The following PDE6D variants were observed in gnomAD, a reference collection of about 807,000 sequenced individuals.
PDE6D encodes the protein phosphodiesterase 6D.
A neutral mutation model predicts 21.9 loss-of-function variants in PDE6D; 10 were observed. The observed-to-expected ratio is 0.46, with a 90% CI of 0.28 to 0.78. PDE6D has a LOEUF of 0.78. PDE6D is among the 30% of genes least tolerant of loss of function. The pLI, the probability that PDE6D is intolerant of heterozygous loss-of-function variation, is 0.12. For synonymous variants in PDE6D, 59 were observed against 63.5 expected (o/e 0.93, Z 0.34); for missense variants, 139 against 184.8 (o/e 0.75, Z 1.44).
At position 231,737,440 on chromosome 2, in the gene PDE6D, A is replaced by C. The variant is rs1257340648; in HGVS notation, c.266-148T>G. 7.1e-6 allele frequency: 4 copies of C among 566,116 alleles called. No individual in the cohort carries two copies. The African/African-American group carries it at 7.6e-5, about 11-fold the overall frequency. The allele number at this position is 566,116 out of a possible 1,614,324, so 35.1% of individuals were successfully genotyped here. On this transcript the variant is annotated intron_variant, in intron 3 of 4. Coordinates refer to ENST00000287600, the MANE Select transcript of PDE6D (RefSeq NM_002601.4). ...AACCTCTCAGACCAGGGGCGTAAAA[A>C]AGACAGGGAAGCCTGCTCAGGTTGT...
chr2:231,769,510 G>GCTCT (rs750870731), intron 1 of PDE6D, among the ~76,000 whole-genome samples: 25 of 151,054 alleles, frequency 1.7e-4, no homozygotes, highest in East Asian at 5.8e-4. Context: ...CCTACAATTT[G>GCTCT]CTCTCTCTCT....
At chr2:231,759,051 C>T (rs1015660578) in intron 1 of PDE6D, among the ~76,000 whole-genome samples, 1 of 152,114 alleles carries the variant, frequency 6.6e-6, no homozygotes, top group African/African-American at 2.4e-5. Context: ...GGCATGGTGG[C>T]TCACGCTTGT....
chr2:231,777,442 T>A (rs1203549702), intron 1 of PDE6D, among the ~76,000 whole-genome samples: 1 of 152,078 alleles, frequency 6.6e-6, no homozygotes, highest in African/African-American at 2.4e-5. Flanking sequence ...AGTGCTGGGA[T>A]TACAGGTGTG....
chr2:231,742,793 C>T (rs2048760660), intron 1 of PDE6D, among the ~76,000 whole-genome samples: 1 of 152,140 alleles, frequency 6.6e-6, no homozygotes, highest in African/African-American at 2.4e-5. Flanking sequence ...TTCTCCCAGC[C>T]CTGGCATAAT....
intron 1 of PDE6D, among the ~76,000 whole-genome samples, chr2:231,777,419 C>G (rs1251657541): frequency 6.6e-6 from 1 of 152,032 alleles, no homozygotes; most frequent in African/African-American, 2.4e-5. Flanking sequence ...ATCCTCCCAC[C>G]TAGGCCTCCC....
intron 3 of PDE6D, 35 bp from the exon 4 acceptor site, chr2:231,737,327 G>T: frequency 1.7e-6 from 2 of 1,174,286 alleles, no homozygotes; most frequent in Non-Finnish European, 2.6e-6. Context: ...GTGAGCAGGT[G>T]CCCCAGTATA....
In PDE6D at chr2:231,738,195, A is replaced by G. The variant is rs1005417687; in HGVS notation, c.140-57T>C. On this transcript the variant is annotated intron_variant, in intron 2 of 4. Coordinates refer to ENST00000287600, the MANE Select transcript of PDE6D (RefSeq NM_002601.4). Reference sequence around the variant, plus strand: ...TCTAAATGAAAACCACAGGACTATGATGCTTCAAATTTCTGGGAGCTTCTT... The same window carrying G: ...TCTAAATGAAAACCACAGGACTATGGTGCTTCAAATTTCTGGGAGCTTCTT... 24 of 1,517,376 alleles carry G rather than the reference A, an allele frequency of 1.6e-5. No individual in the cohort carries two copies. In the Admixed American group the frequency reaches 5.1e-4, roughly 32 times the overall value. The allele number at this position is 1,517,376 out of a possible 1,614,324, so 94.0% of individuals were successfully genotyped here.
chr2:231,778,493 A>T (rs1021188511), intron 1 of PDE6D, among the ~76,000 whole-genome samples: 3 of 152,022 alleles, frequency 2.0e-5, no homozygotes, highest in African/African-American at 7.3e-5. Context: ...CAAATAGAAG[A>T]GATGTGCAAC....
At chr2:231,756,851 C>G (rs1465982805) in intron 1 of PDE6D, among the ~76,000 whole-genome samples, 2 of 149,468 alleles carry the variant, frequency 1.3e-5, no homozygotes, top group Non-Finnish European at 3.0e-5. Context: ...AAAGTGAAGT[C>G]AAGCTCTATG....
At chr2:231,759,074 T>G (rs1379227229) in intron 1 of PDE6D, among the ~76,000 whole-genome samples, 1 of 152,004 alleles carries the variant, frequency 6.6e-6, no homozygotes, top group South Asian at 2.1e-4. Flanking sequence ...TCCCAGCACT[T>G]TGGGAGGCTG....
chr2:231,753,785 C>T (rs1199119231), intron 1 of PDE6D, among the ~76,000 whole-genome samples: 1 of 152,116 alleles, frequency 6.6e-6, no homozygotes, highest in Non-Finnish European at 1.5e-5. Flanking sequence ...ATCATTACCT[C>T]CTCTTCAAAA....
chr2:231,754,855 C>G (rs1413816035), intron 1 of PDE6D, among the ~76,000 whole-genome samples: 2 of 152,152 alleles, frequency 1.3e-5, no homozygotes, highest in Admixed American at 6.5e-5. Flanking sequence ...TCTTGCTCTG[C>G]TATCACCTTT....
chr2:231,735,164 C>T (rs2048688433), intron 4 of PDE6D, among the ~76,000 whole-genome samples: 1 of 147,554 alleles, frequency 6.8e-6, no homozygotes, highest in Admixed American at 6.8e-5. Flanking sequence ...AAGATGGGAA[C>T]CTGGGAGGTG....
chr2:231,777,768 C>T (rs886805428), intron 1 of PDE6D, among the ~76,000 whole-genome samples: 2 of 152,118 alleles, frequency 1.3e-5, no homozygotes, highest in Admixed American at 1.3e-4. Context: ...GGACTAACTA[C>T]TTAGTAAATA....
At chr2:231,775,484 TGTG>T (rs1249176672) in intron 1 of PDE6D, among the ~76,000 whole-genome samples, 9 of 133,302 alleles carry the variant, frequency 6.8e-5, no homozygotes, top group Non-Finnish European at 6.7e-5. Flanking sequence ...AATTTTTGTG[TGTG>T]TTTTTTTTTT....
intron 1 of PDE6D, among the ~76,000 whole-genome samples, chr2:231,771,360 T>A (rs1020182202): frequency 7.2e-5 from 11 of 152,206 alleles, no homozygotes; most frequent in African/African-American, 2.7e-4. Context: ...GTAGAAAACA[T>A]GGACTTTTAA....
At chr2:231,769,632 G>A (rs945625180) in intron 1 of PDE6D, among the ~76,000 whole-genome samples, 2 of 151,756 alleles carry the variant, frequency 1.3e-5, no homozygotes, top group African/African-American at 4.8e-5. Flanking sequence ...ACAGTTTCTA[G>A]AGATGGGGTC....
rs753637206 is a variant in PDE6D, at chr2:231,737,197, T to C, written c.361A>G (p.Ser121Gly). The C allele has an allele frequency of 6.3e-7, 1 of 1,599,636 alleles. No homozygotes were observed. The highest frequency in any genetic ancestry group is 8.6e-7 in the Non-Finnish European group (1 of 1,166,814). ...AAPESQMMPA[S>G]VLTGNVIIET... The stretch of plus-strand genomic sequence containing the variant: ...GACCTGCTCACTCACGTTAAGACGC[T>C]TGCTGGCATCATCTGGGACTCGGGT... Residue 121 changes from serine to glycine, a missense_variant, in exon 4 of 5, where the codon AGC (serine) becomes GGC (glycine). Transcript: ENST00000287600.
intron 3 of PDE6D, 183 bp from the exon 4 acceptor site, chr2:231,737,475 C>T (rs2048711116): frequency 5.7e-6 from 3 of 527,744 alleles, no homozygotes; most frequent in Non-Finnish European, 1.0e-5. Context: ...TCCTCTGAAC[C>T]ACACCAAAGG....
Sources: gnomAD v4.1 joint callset for allele counts (sites outside exome capture counted in the v4.1 genomes callset) on GRCh38, gnomAD v4.1.1 for gene constraint, MANE v1.5 for transcripts, NCBI Gene and HGNC (gene_info 2026-07-23, HGNC 2026-07-21) for gene names.